Variants in BBS9 observed in about 807,000 individuals in gnomAD.
BBS9 encodes protein PTHB1.
Under a neutral mutation model 117.7 loss-of-function variants are expected in BBS9, and 89 were observed. The observed-to-expected ratio is 0.76, with a 90% CI of 0.64 to 0.90. BBS9 has a LOEUF of 0.90. BBS9 is among the 40% of genes least tolerant of loss of function. The pLI is 0.00. For synonymous variants in BBS9, 379 were observed against 370.9 expected, an observed-to-expected ratio of 1.02 and a Z score of -0.25; for missense variants, 982 against 1,042.2, an observed-to-expected ratio of 0.94 and a Z score of 0.80.
At chr7:33,481,693 A>G (rs1190645925) in intron 19 of BBS9, among the ~76,000 whole-genome samples, 3 of 152,198 alleles carry the variant, frequency 2.0e-5, no homozygotes, top group East Asian at 3.8e-4. Flanking sequence ...AATAATTTTA[A>G]GTAATCTTTT....
intron 9 of BBS9, among the ~76,000 whole-genome samples, chr7:33,322,581 T>C (rs1811964998): frequency 6.6e-6 from 1 of 152,022 alleles, no homozygotes; most frequent in Non-Finnish European, 1.5e-5. Flanking sequence ...ATATCAGTTG[T>C]ACTGTCTCCC....
At chr7:33,132,172 C>A (rs1199017839) in intron 1 of BBS9, among the ~76,000 whole-genome samples, 3 of 152,126 alleles carry the variant, frequency 2.0e-5, no homozygotes. Context: ...AGAGCTATTG[C>A]TTTTATAGTC....
At chr7:33,569,538 G>A (rs1033901517) in intron 21 of BBS9, among the ~76,000 whole-genome samples, 1 of 151,698 alleles carries the variant, frequency 6.6e-6, no homozygotes, top group Non-Finnish European at 1.5e-5. Context: ...GGCAGATCAC[G>A]AGGTCAGGAG....
At chr7:33,583,134 C>G (rs1860276891) in intron 21 of BBS9, among the ~76,000 whole-genome samples, 1 of 152,172 alleles carries the variant, frequency 6.6e-6, no homozygotes, top group East Asian at 1.9e-4. Context: ...TCCTTTTTGA[C>G]TACTTCAGTG....
chr7:33,224,697 T>G (rs1334095947), intron 5 of BBS9, among the ~76,000 whole-genome samples: 2 of 152,208 alleles, frequency 1.3e-5, no homozygotes, highest in African/African-American at 2.4e-5. Flanking sequence ...GCTCATTGCA[T>G]CCCCACAGTG....
At chr7:33,484,883 G>C (rs577900530) in intron 19 of BBS9, among the ~76,000 whole-genome samples, 6 of 152,276 alleles carry the variant, frequency 3.9e-5, no homozygotes, top group African/African-American at 1.4e-4. Flanking sequence ...GCAAAGACAT[G>C]GAATCAGCGC....
chr7:33,195,695 T>C (rs1784823964), intron 5 of BBS9, among the ~76,000 whole-genome samples: 1 of 150,098 alleles, frequency 6.7e-6, no homozygotes, highest in South Asian at 2.1e-4. Context: ...TTCTCTAATA[T>C]TTAGTGTAAA....
At chr7:33,146,463 A>T in intron 2 of BBS9, 99 bp downstream of exon 2, 2 of 945,650 alleles carry the variant, frequency 2.1e-6, no homozygotes, top group South Asian at 2.6e-5. Context: ...TTCTTTTGGG[A>T]GGCCGACGTG....
chr7:33,519,020 T>C (rs1325264700), intron 20 of BBS9, among the ~76,000 whole-genome samples: 1 of 151,948 alleles, frequency 6.6e-6, no homozygotes, highest in Non-Finnish European at 1.5e-5. Flanking sequence ...GAGAAATAAA[T>C]AGCCATGTCT....
chr7:33,195,513 G>A (rs7792350), intron 5 of BBS9, among the ~76,000 whole-genome samples: 28,589 of 151,962 alleles, frequency 0.19, 2,904 homozygotes, highest in Non-Finnish European at 0.23. Context: ...TGGTGATGCA[G>A]CATATTGTAT....
At chr7:33,542,767 ATG>A (rs1394446365) in intron 21 of BBS9, among the ~76,000 whole-genome samples, 6 of 146,178 alleles carry the variant, frequency 4.1e-5, no homozygotes, top group Non-Finnish European at 9.0e-5. Flanking sequence ...ACGTATGTAT[ATG>A]TGAGTATATA....
At chr7:33,316,346 A>G (rs1383695094) in intron 9 of BBS9, among the ~76,000 whole-genome samples, 5 of 152,176 alleles carry the variant, frequency 3.3e-5, no homozygotes, top group African/African-American at 9.6e-5. Context: ...ATATACCATA[A>G]TTAAAAAATC....
In BBS9 at chr7:33,357,944, A is replaced by G. The variant is rs1050416352; in HGVS notation, c.1642A>G (p.Ile548Val). The change falls in exon 16 of 23, where the codon ATT becomes GTT. Residue 548 changes from isoleucine (I) to valine (V), a missense_variant. Coordinates refer to ENST00000242067, the MANE Select transcript of BBS9 (RefSeq NM_198428.3). ...GQPSKTASHKITIDTNKSPVS... is the reference protein window; with the variant it reads ...GQPSKTASHKVTIDTNKSPVS... ...GCCTTCAAAAACTGCAAGCCACAAA[A>G]TTACTATTGATACCAACAAATCTCC... is the stretch of plus-strand genomic sequence containing the variant. 1.2e-6 allele frequency: 2 copies of G among 1,612,618 alleles called. No homozygotes were observed. The highest frequency in any genetic ancestry group is 2.7e-5 in the African/African-American group (2 of 74,850).
intron 5 of BBS9, among the ~76,000 whole-genome samples, chr7:33,251,923 T>C (rs1039186856): frequency 1.3e-5 from 2 of 152,202 alleles, no homozygotes; most frequent in South Asian, 4.1e-4. Flanking sequence ...TCTACTATGC[T>C]ATATTAGGCT....
chr7:33,515,864 G>C (rs372488488), intron 20 of BBS9, among the ~76,000 whole-genome samples: 1 of 152,312 alleles, frequency 6.6e-6, no homozygotes, highest in East Asian at 1.9e-4. Context: ...TCATTCTTCA[G>C]TCATGAATGT....
At chr7:33,269,555 G>C (rs1026907145) in intron 7 of BBS9, among the ~76,000 whole-genome samples, 5 of 152,136 alleles carry the variant, frequency 3.3e-5, no homozygotes, top group African/African-American at 1.2e-4. Context: ...GATCTCCCCA[G>C]AGAGGCAGAG....
At chr7:33,201,748 G>A (rs987707277) in intron 5 of BBS9, among the ~76,000 whole-genome samples, 3 of 151,958 alleles carry the variant, frequency 2.0e-5, no homozygotes, top group Admixed American at 2.0e-4. Flanking sequence ...AGGGGACATA[G>A]AGTCTTTAAT....
At chr7:33,496,244 G>C in intron 19 of BBS9, among the ~76,000 whole-genome samples, 1 of 151,972 alleles carries the variant, frequency 6.6e-6, no homozygotes, top group African/African-American at 2.4e-5. Flanking sequence ...GGTGGCTCTC[G>C]CCTGTAATCC....
intron 11 of BBS9, among the ~76,000 whole-genome samples, chr7:33,344,078 G>GTTTTTTTT (rs34530007): frequency 5.9e-5 from 4 of 67,496 alleles, no homozygotes; most frequent in African/African-American, 2.0e-4. Flanking sequence ...TAGGGGATGA[G>GTTTTTTTT]TTTTTTTTTT....
Sources: gnomAD v4.1 joint callset for allele counts (sites outside exome capture counted in the v4.1 genomes callset) on GRCh38, gnomAD v4.1.1 for gene constraint, MANE v1.5 for transcripts, NCBI Gene and HGNC (gene_info 2026-07-23, HGNC 2026-07-21) for gene names.